LSM14B: variants seen among roughly 807,000 people sequenced by gnomAD.
LSM14B encodes the protein protein LSM14 homolog B.
A neutral mutation model predicts 42.1 loss-of-function variants in LSM14B; 8 were observed. The observed-to-expected ratio is 0.19, with a 90% CI of 0.11 to 0.34. The LOEUF is 0.34. LSM14B is among the 10% of genes least tolerant of loss of function. LSM14B has a pLI of 1.00. For missense variants in LSM14B, 396 were observed against 513.1 expected (o/e 0.77, Z 2.21); for synonymous variants, 219 against 209.7 (o/e 1.04, Z -0.38).
chr20:62,132,592 G>C (rs1214472639), intron 7 of LSM14B, among the ~76,000 whole-genome samples: 1 of 152,220 alleles, frequency 6.6e-6, no homozygotes, highest in Non-Finnish European at 1.5e-5. Flanking sequence ...CATGACAAGA[G>C]AAGAGTCCAG....
At chr20:62,128,294 A>G (rs546482201) in intron 3 of LSM14B, among the ~76,000 whole-genome samples, 53 of 152,266 alleles carry the variant, frequency 3.5e-4, no homozygotes, top group African/African-American at 1.2e-3. Context: ...AAGTTCTAAA[A>G]TTCATATTGA....
intron 2 of LSM14B, 24 bp downstream of exon 2, chr20:62,124,804 T>C (rs747491829): frequency 4.1e-5 from 65 of 1,603,160 alleles, no homozygotes; most frequent in Non-Finnish European, 4.8e-5. Flanking sequence ...TGTCCCTCTG[T>C]GCATGCTGTA....
chr20:62,133,329 C>T lies in LSM14B; in HGVS notation c.1026C>T (p.Asn342=), dbSNP rs753519115. 6.2e-6 allele frequency: 10 copies of T among 1,613,562 alleles called. No homozygotes were observed. The highest frequency in any genetic ancestry group is 8.5e-6 in the Non-Finnish European group (10 of 1,179,710). ...CGTGGGCCGAAGAGAGGAAGCTCAA[C>T]ACAGAGACCTTTGGGGTGTCAGGGA... The part of the protein sequence containing the change: ...RTTWAEERKL[N]TETFGVSGRF... Residue 342 remains asparagine (N), a synonymous_variant, in exon 8 of 9, where the codon AAC becomes AAT. Coordinates refer to ENST00000279068, the MANE Select transcript of LSM14B (RefSeq NM_144703.3).
rs2056525332 is a variant in LSM14B, at chr20:62,124,468, T to G, written c.128-149T>G. The stretch of plus-strand genomic sequence containing the variant: ...GCACTGTCCATTGAAAATCGGGGCA[T>G]TAAGTAGTTGTTGAAATGTGGACCT... On this transcript the variant is annotated intron_variant, in intron 1 of 8. Coordinates refer to ENST00000279068, the MANE Select transcript of LSM14B (RefSeq NM_144703.3). 5 of 728,136 alleles carry G rather than the reference T, an allele frequency of 6.9e-6. No individual in the cohort carries two copies. The East Asian group carries it at 1.3e-4, about 20-fold the overall frequency. 45.1% of individuals were successfully genotyped at this position (728,136 alleles called of 1,614,324 possible).
chr20:62,130,048 T>C lies in LSM14B; in HGVS notation c.595+96T>C. On this transcript the variant is annotated intron_variant, in intron 4 of 8. Transcript: ENST00000279068. This position sits in a 1 kb window ranked among gnomAD's most constrained non-coding sequence, Gnocchi z 4.1. ...TTTTTTTTTTTAATTAAAAAAATAC[T>C]ACTCCCCCATCCTAAGCCCCATGTG... 1 of 1,409,230 alleles carries C rather than the reference T, an allele frequency of 7.1e-7. No individual in the cohort carries two copies. The highest frequency in any genetic ancestry group is 9.5e-7 in the Non-Finnish European group (1 of 1,057,256). The allele number at this position is 1,409,230 out of a possible 1,614,324, so 87.3% of individuals were successfully genotyped here.
At chr20:62,128,500 T>TC (rs761374322) in intron 3 of LSM14B, among the ~76,000 whole-genome samples, 14 of 152,110 alleles carry the variant, frequency 9.2e-5, no homozygotes, top group Non-Finnish European at 1.8e-4. Flanking sequence ...TCTTTTTTTT[T>TC]CCCCCACTTA....
chr20:62,126,523 T>C, intron 3 of LSM14B, 84 bp downstream of exon 3: 1 of 1,518,598 alleles, frequency 6.6e-7, no homozygotes, highest in Non-Finnish European at 8.9e-7. Context: ...GGTGGGGATA[T>C]GCATTCCTGT....
chr20:62,133,690 C>T (rs1174763751), intron 8 of LSM14B, among the ~76,000 whole-genome samples: 1 of 152,246 alleles, frequency 6.6e-6, no homozygotes, highest in Non-Finnish European at 1.5e-5. Context: ...CAGGCCCCAG[C>T]ATCCTCCAAG....
chr20:62,128,881 T>A, intron 3 of LSM14B: 1 of 1,113,094 alleles, frequency 9.0e-7, no homozygotes, highest in South Asian at 1.3e-5. Flanking sequence ...CCAGTCTTCA[T>A]GTGTATTGGG....
Position 62,133,484 on chromosome 20 carries a change from A to G in LSM14B, c.*14+9A>G. ...TGAGGGTGCAGCCAAAGGTGAGTGGATGAACCTTCTGGACGCTTTGGTGGG... is the reference window on the plus strand; with the variant it reads ...TGAGGGTGCAGCCAAAGGTGAGTGGGTGAACCTTCTGGACGCTTTGGTGGG... On this transcript the variant is annotated intron_variant, in intron 8 of 8. Transcript: ENST00000279068. The G allele has an allele frequency of 1.2e-6, 2 of 1,606,480 alleles. No homozygotes were observed.
Position 62,130,448 on chromosome 20 carries a change from G to A in LSM14B, c.674-82G>A. 1.3e-6 allele frequency: 2 copies of A among 1,560,302 alleles called. No individual in the cohort carries two copies. Among genetic ancestry groups the A allele is most frequent in the East Asian group, 2.3e-5 (1 of 42,950 alleles). ...CTGTTCCTTCTGTGGCCTTGGGGGT[G>A]TGCCTGGAAATTCCTTGTGAGGTGT... On this transcript the variant is annotated intron_variant, in intron 5 of 8. Transcript: ENST00000279068. The surrounding 1 kb of genome is among the most constrained non-coding windows in gnomAD (Gnocchi z 4.1).
At chr20:62,133,600 G>T (rs1206411046) in intron 8 of LSM14B, 125 bp downstream of exon 8, 4 of 1,141,744 alleles carry the variant, frequency 3.5e-6, no homozygotes, top group Non-Finnish European at 4.8e-6. Flanking sequence ...AGGTGTCAAA[G>T]CCAAACCGAG....
At chr20:62,126,273 C>T (rs768415487) in intron 2 of LSM14B, 31 bp from the exon 3 acceptor site, 24 of 1,613,702 alleles carry the variant, frequency 1.5e-5, no homozygotes, top group Admixed American at 3.3e-5. Context: ...GGATGGCCTT[C>T]GCCGTTCTCA....
intron 1 of LSM14B, chr20:62,123,180 TC>T (rs1463128177): frequency 1.3e-5 from 2 of 152,642 alleles, no homozygotes; most frequent in African/African-American, 4.8e-5. Flanking sequence ...TCAGCGGGCC[TC>T]CTCCCCGCCA....
rs1438602173 is a variant in LSM14B, at chr20:62,135,191, G to A, written c.*1043G>A. ...TGACAGGGCATTTTGTCGAAAATAA[G>A]CACCTTGGTAACTAAACCCCTCTAA... is the stretch of plus-strand genomic sequence containing the variant. On this transcript the variant is annotated 3_prime_UTR_variant, in exon 9 of 9. Transcript: ENST00000279068. 6.6e-6 allele frequency: 1 copy of A among 152,194 alleles called. No homozygotes were observed. Among genetic ancestry groups the A allele is most frequent in the African/African-American group, 2.4e-5 (1 of 41,440 alleles). The allele number at this position is 152,194 out of a possible 1,614,324, so 9.4% of individuals were successfully genotyped here.
At chr20:62,126,268 GCC>G in intron 2 of LSM14B, 34 bp from the exon 3 acceptor site, 1 of 1,613,730 alleles carries the variant, frequency 6.2e-7, no homozygotes, top group South Asian at 1.1e-5. Flanking sequence ...TGATGGGATG[GCC>G]TTCGCCGTTC....
In LSM14B at chr20:62,130,192, G is replaced by T. The variant is rs777080341; in HGVS notation, c.596-27G>T. On this transcript the variant is annotated intron_variant, in intron 4 of 8. Transcript: ENST00000279068. The surrounding 1 kb of genome is among the most constrained non-coding windows in gnomAD (Gnocchi z 4.1). ...GGCTTCCGGCTGCTATAGGAGCTTT[G>T]CCTTACTCTTCCCTTTTGCGCCGTA... 1.6e-5 allele frequency: 25 copies of T among 1,573,476 alleles called. No homozygotes were observed. The highest frequency in any genetic ancestry group is 1.7e-4 in the Middle Eastern group (1 of 6,040).
intron 7 of LSM14B, 115 bp from the exon 8 acceptor site, chr20:62,133,175 C>T (rs1161110634): frequency 3.8e-6 from 5 of 1,312,608 alleles, no homozygotes; most frequent in Non-Finnish European, 5.2e-6. Context: ...CGCCCCTTCC[C>T]TGTAGTGGCC....
intron 3 of LSM14B, among the ~76,000 whole-genome samples, chr20:62,129,390 T>G (rs968744216): frequency 1.3e-5 from 2 of 152,244 alleles, no homozygotes; most frequent in Admixed American, 1.3e-4. Flanking sequence ...CCTGAATTCA[T>G]CAGGATCTTG....
Sources: gnomAD v4.1 joint callset for allele counts (sites outside exome capture counted in the v4.1 genomes callset) on GRCh38, gnomAD v4.1.1 for gene constraint, Gnocchi (gnomAD v3.1) non-coding constraint, MANE v1.5 for transcripts, NCBI Gene and HGNC (gene_info 2026-07-23, HGNC 2026-07-21) for gene names.